The following TNS1 variants were observed in gnomAD, a reference collection of about 807,000 sequenced individuals.
TNS1 encodes the protein tensin 1.
A neutral mutation model predicts 168.6 loss-of-function variants in TNS1; 62 were observed. The observed-to-expected ratio is 0.37, with a 90% CI of 0.30 to 0.45. The LOEUF is 0.45. Ranked by LOEUF, TNS1 falls within the 20% of genes least tolerant of loss-of-function variation. The probability of loss-of-function intolerance (pLI) is 1.00; values close to 1 mark genes in which losing one functional copy is unlikely to be tolerated. For synonymous variants in TNS1, 934 were observed against 933.2 expected (o/e 1.00, Z -0.02); for missense variants, 2,240 against 2,339.4 (o/e 0.96, Z 0.88).
At chr2:217,975,735 C>T (rs980083976) in intron 3 of TNS1, among the ~76,000 whole-genome samples, 1 of 152,180 alleles carries the variant, frequency 6.6e-6, no homozygotes, top group Admixed American at 6.5e-5. Context: ...GCTCTCACAC[C>T]CAAAATCCGA....
chr2:217,848,864 G>A lies in TNS1; in HGVS notation c.1653C>T (p.Ser551=), dbSNP rs747954597. ...GGGGACTCAAGGCAGCAGTGGCACT[G>A]GAGGCCCCGGGGACAGGCTCGTCGG... is the stretch of plus-strand genomic sequence containing the variant. ...DKTDEPVPGA[S]SATAALSPQE... is the part of the protein sequence containing the mutation. The change falls in exon 19 of 33, where the codon TCC becomes TCT. Residue 551 remains serine, a synonymous_variant. Coordinates refer to ENST00000682258, the MANE Select transcript of TNS1 (RefSeq NM_001387777.1). 1 of 1,614,054 alleles carries A rather than the reference G, an allele frequency of 6.2e-7. No individual in the cohort carries two copies. The highest frequency in any genetic ancestry group is 1.1e-5 in the South Asian group (1 of 91,046).
chr2:217,875,856 C>T (rs886524901), intron 18 of TNS1, among the ~76,000 whole-genome samples: 1 of 152,156 alleles, frequency 6.6e-6, no homozygotes, highest in Admixed American at 6.5e-5. Flanking sequence ...CCAAGGCCCC[C>T]TGTCACCAGC....
At chr2:217,884,078 AT>A (rs1374172956) in intron 16 of TNS1, among the ~76,000 whole-genome samples, 2 of 132,402 alleles carry the variant, frequency 1.5e-5, no homozygotes, top group East Asian at 4.9e-4. Context: ...GTTCATATCT[AT>A]AGGGTCTAGC....
chr2:217,973,004 G>A (rs1266487204), intron 3 of TNS1, among the ~76,000 whole-genome samples: 1 of 152,122 alleles, frequency 6.6e-6, no homozygotes, highest in Non-Finnish European at 1.5e-5. Context: ...GGACAGAAGA[G>A]AAAAGCAAAA....
intron 22 of TNS1, among the ~76,000 whole-genome samples, chr2:217,822,873 C>T (rs573301012): frequency 3.3e-5 from 5 of 152,178 alleles, no homozygotes; most frequent in East Asian, 3.9e-4. Context: ...AGCAACAGAA[C>T]GCTCTTGTTT....
At chr2:217,851,634 G>A (rs916275129) in intron 18 of TNS1, among the ~76,000 whole-genome samples, 4 of 152,130 alleles carry the variant, frequency 2.6e-5, no homozygotes, top group Non-Finnish European at 5.9e-5. Flanking sequence ...GGGCTGGTCT[G>A]AACTGAAAAG....
intron 19 of TNS1, among the ~76,000 whole-genome samples, chr2:217,844,466 C>T (rs1034393160): frequency 6.6e-6 from 1 of 152,118 alleles, no homozygotes; most frequent in African/African-American, 2.4e-5. Context: ...CTACCTATCC[C>T]GACTGTCACT....
At chr2:217,821,611 G>A in intron 23 of TNS1, 129 bp downstream of exon 23, 1 of 922,844 alleles carries the variant, frequency 1.1e-6, no homozygotes, top group Non-Finnish European at 1.5e-6. Flanking sequence ...TGGTTTGCAA[G>A]GTACCGCCAT....
chr2:218,023,696 T>C (rs1958828733), intron 1 of TNS1, among the ~76,000 whole-genome samples: 1 of 152,210 alleles, frequency 6.6e-6, no homozygotes, highest in Admixed American at 6.5e-5. Context: ...ATTTTCCAGA[T>C]GAGGAAACGG....
chr2:217,966,008 C>T (rs1191565122), intron 3 of TNS1, among the ~76,000 whole-genome samples: 1 of 152,124 alleles, frequency 6.6e-6, no homozygotes, highest in East Asian at 1.9e-4. Context: ...GGACTTTCCT[C>T]TCCTCTCTCT....
Position 217,992,818 on chromosome 2 carries a change from T to C in TNS1, c.34-1762A>G, listed in dbSNP as rs547302986. On this transcript the variant is annotated intron_variant, in intron 1 of 32. Transcript: ENST00000682258. ...AGAAACTAACAAGGGGGTCAGAGAA[T>C]GAAAGAGAGACAGAAGGACACAGGA... is the stretch of plus-strand genomic sequence containing the variant. 8.0e-4 allele frequency among the ~76,000 whole-genome samples: 122 copies of C among 151,834 alleles called. No individual in the cohort carries two copies. In the Middle Eastern group the frequency reaches 0.01, roughly 13 times the overall value.
At chr2:217,929,487 G>A (rs556325938) in intron 3 of TNS1, among the ~76,000 whole-genome samples, 11 of 152,216 alleles carry the variant, frequency 7.2e-5, no homozygotes, top group South Asian at 4.1e-4. Context: ...GAGGGTCCCC[G>A]CAATAGCCAG....
At chr2:218,004,975 G>A (rs1345284751), upstream of TNS1, among the ~76,000 whole-genome samples, 1 of 152,218 alleles carries the variant, frequency 6.6e-6, no homozygotes, top group Admixed American at 6.5e-5. Context: ...TCCCCTGGCT[G>A]GAGCACCAGG....
chr2:218,008,628 TTGGGTAAC>T lies in TNS1; in HGVS notation c.96+1464_96+1471del, dbSNP rs1958680252. Reference sequence around the variant, plus strand: ...TTGCTGGAAGATTTCAAAGCATACCTTGGGTAACTGGAACAGAAGCCTGCTGGCACCTT... The same window carrying T: ...TTGCTGGAAGATTTCAAAGCATACCTTGGAACAGAAGCCTGCTGGCACCTT... On this transcript the variant is annotated intron_variant, in intron 1 of 32. Coordinates refer to the TNS1 transcript ENST00000646520. Among the ~76,000 whole-genome samples, 6 of 152,188 alleles carry T rather than the reference TTGGGTAAC, an allele frequency of 3.9e-5. No individual in the cohort carries two copies. The South Asian group carries it at 1.2e-3, about 31-fold the overall frequency.
At chr2:217,834,120 G>A (rs1944845438) in intron 21 of TNS1, among the ~76,000 whole-genome samples, 1 of 152,166 alleles carries the variant, frequency 6.6e-6, no homozygotes, top group African/African-American at 2.4e-5. Context: ...CGGCTTCCTG[G>A]GGCCACCAAT....
chr2:217,935,598 C>T (rs1188871979), intron 3 of TNS1, among the ~76,000 whole-genome samples: 2 of 152,196 alleles, frequency 1.3e-5, no homozygotes, highest in African/African-American at 4.8e-5. Context: ...CCACCGAATT[C>T]CTTCTAAGCC....
chr2:218,007,287 C>T (rs1958666693), upstream of TNS1, among the ~76,000 whole-genome samples: 2 of 152,284 alleles, frequency 1.3e-5, no homozygotes, highest in Admixed American at 1.3e-4. Context: ...ATTAACTAGG[C>T]ACTTGGCTTG....
At chr2:217,832,353 A>ATC in intron 21 of TNS1, among the ~76,000 whole-genome samples, 2 of 152,180 alleles carry the variant, frequency 1.3e-5, no homozygotes, top group Non-Finnish European at 2.9e-5. Context: ...ATTAGCCAAG[A>ATC]ACCTGGCCAG....
At chr2:217,918,268 A>C (rs1955307245) in intron 4 of TNS1, among the ~76,000 whole-genome samples, 1 of 152,200 alleles carries the variant, frequency 6.6e-6, no homozygotes, top group Non-Finnish European at 1.5e-5. Context: ...GGAGGTTAGC[A>C]ATGTCAGGGT....
Sources: gnomAD v4.1 joint callset for allele counts (sites outside exome capture counted in the v4.1 genomes callset) on GRCh38, gnomAD v4.1.1 for gene constraint, MANE v1.5 for transcripts, NCBI Gene and HGNC (gene_info 2026-07-23, HGNC 2026-07-21) for gene names.